LAP3: variants seen among roughly 807,000 people sequenced by gnomAD.
LAP3 encodes cytosol aminopeptidase.
A neutral mutation model predicts 58.8 loss-of-function variants in LAP3; 46 were observed. The observed-to-expected ratio is 0.78, with a 90% confidence interval of 0.62 to 1.00. LAP3 has a LOEUF of 1.00. Among genes scored for constraint, LAP3 ranks in the 50% least tolerant of loss-of-function variants. The pLI is 0.00. For missense variants in LAP3, 615 were observed against 659.1 expected (o/e 0.93, Z 0.73); for synonymous variants, 257 against 237.7 (o/e 1.08, Z -0.75).
chr4:17,588,323 T>A (rs1328441763), intron 6 of LAP3, among the ~76,000 whole-genome samples: 1 of 152,196 alleles, frequency 6.6e-6, no homozygotes, highest in Non-Finnish European at 1.5e-5. Flanking sequence ...CTTACCTTAT[T>A]TGTTTTAGAG....
chr4:17,597,969 T>C (rs765166444), intron 9 of LAP3, among the ~76,000 whole-genome samples: 2 of 152,198 alleles, frequency 1.3e-5, no homozygotes, highest in Non-Finnish European at 2.9e-5. Flanking sequence ...AGAGTTTTCA[T>C]TTCTAGGATT....
chr4:17,599,536 A>AAAAATAAAAT (rs545303171), intron 10 of LAP3, among the ~76,000 whole-genome samples: 1 of 152,090 alleles, frequency 6.6e-6, no homozygotes, highest in African/African-American at 2.4e-5. Context: ...CTCCCTCTTA[A>AAAAATAAAAT]AAAATAAAAT....
rs367614651 is a variant in LAP3 at position 17,577,461 on chromosome 4, A to T, written c.-5A>T. 38 of 1,566,722 alleles carry T rather than the reference A, an allele frequency of 2.4e-5. No homozygotes were observed. In the African/African-American group the frequency reaches 4.6e-4, roughly 19 times the overall value. The stretch of plus-strand genomic sequence containing the variant: ...GAGGGCGGTGCGAGGGGCCGAGCCG[A>T]CAAGATGTTCTTGCTGCCTCTTCCG... On this transcript the variant is annotated 5_prime_UTR_variant, in exon 1 of 13. Coordinates refer to ENST00000226299, the MANE Select transcript of LAP3 (RefSeq NM_015907.3).
intron 3 of LAP3, 39 bp from the exon 4 acceptor site, chr4:17,582,249 A>G: frequency 6.6e-7 from 1 of 1,516,016 alleles, no homozygotes; most frequent in Non-Finnish European, 9.1e-7. Context: ...GAATGCTTGA[A>G]AGAAATAAAG....
Position 17,579,957 on chromosome 4 carries a change from G to GCA in LAP3, c.218+19_218+20insAC. ...TTGAACATGTAAGTGTTGCTTGTGG[G>GCA]CTCTAGTTCTTAAAGTGCCCCCAAA... On this transcript the variant is annotated intron_variant, in intron 2 of 12. Transcript: ENST00000226299. The GCA allele has an allele frequency of 7.1e-7, 1 of 1,415,828 alleles. No individual in the cohort carries two copies. The highest frequency in any genetic ancestry group is 9.9e-7 in the Non-Finnish European group (1 of 1,011,358). 87.7% of individuals were successfully genotyped at this position (1,415,828 alleles called of 1,614,324 possible).
rs75791875 is a variant in LAP3, at chr4:17,605,718, G to A, written c.1260+1051G>A. ...ATCATCTTCTTCCAGGCCGGGCCAG[G>A]AACCTCTCCTCTGGCCTCCCACATA... On this transcript the variant is annotated intron_variant, in intron 11 of 12. Coordinates refer to ENST00000226299, the MANE Select transcript of LAP3 (RefSeq NM_015907.3). Among the ~76,000 whole-genome samples the A allele has an allele frequency of 4.5e-3, 692 of 152,168 alleles. 5 individuals carry two copies. The highest frequency in any genetic ancestry group is 0.016 in the African/African-American group (654 of 41,526).
intron 5 of LAP3, 134 bp downstream of exon 5, chr4:17,583,776 C>A: frequency 1.1e-6 from 1 of 888,490 alleles, no homozygotes; most frequent in Non-Finnish European, 1.7e-6. Context: ...ATTGCCTCAG[C>A]CATTTTAATA....
At chr4:17,603,212 G>A (rs1714023292) in intron 10 of LAP3, among the ~76,000 whole-genome samples, 6 of 151,772 alleles carry the variant, frequency 4.0e-5, no homozygotes, top group South Asian at 2.1e-4. Flanking sequence ...AGGATGCTGC[G>A]GGAGAGAATG....
intron 11 of LAP3, 86 bp downstream of exon 11, chr4:17,604,753 G>C: frequency 9.6e-7 from 1 of 1,036,512 alleles, no homozygotes; most frequent in Non-Finnish European, 1.5e-6. Flanking sequence ...TCAACCCTGT[G>C]TTAAAGTGAT....
At chr4:17,593,106 G>A (rs1268265374) in intron 7 of LAP3, among the ~76,000 whole-genome samples, 4 of 152,212 alleles carry the variant, frequency 2.6e-5, no homozygotes, top group Admixed American at 1.3e-4. Flanking sequence ...CCAAAGCTGG[G>A]CATTTTTTAA....
At chr4:17,593,966 A>G (rs1280525924) in intron 7 of LAP3, among the ~76,000 whole-genome samples, 1 of 152,006 alleles carries the variant, frequency 6.6e-6, no homozygotes, top group Non-Finnish European at 1.5e-5. Context: ...ATTGAGATAG[A>G]TTTTGTGTGT....
intron 10 of LAP3, 32 bp from the exon 11 acceptor site, chr4:17,604,556 C>G (rs1437137403): frequency 6.3e-7 from 1 of 1,585,516 alleles, no homozygotes; most frequent in Admixed American, 1.7e-5. Flanking sequence ...CCTGGAGAGA[C>G]TGCACGTGAC....
At chr4:17,594,206 TAGAG>T (rs1270706549) in intron 7 of LAP3, among the ~76,000 whole-genome samples, 3 of 152,260 alleles carry the variant, frequency 2.0e-5, no homozygotes, top group Non-Finnish European at 2.9e-5. Context: ...TCATAGGAAT[TAGAG>T]AGCAGAACTT....
chr4:17,581,333 A>G (rs1457143328), intron 2 of LAP3, among the ~76,000 whole-genome samples: 1 of 152,200 alleles, frequency 6.6e-6, no homozygotes, highest in Non-Finnish European at 1.5e-5. Flanking sequence ...GTGCAGCTGT[A>G]GCATTGCTTT....
In LAP3 at chr4:17,577,226, G is replaced by C. The variant is rs1713214080; in HGVS notation, c.-240G>C. On this transcript the variant is annotated 5_prime_UTR_variant, in exon 1 of 13. Transcript: ENST00000226299. ...CACGAATGCGGGCGCACACGAATGCGGGCGCACACGAATGCGGGCGCACCC... is the reference window on the plus strand; with the variant it reads ...CACGAATGCGGGCGCACACGAATGCCGGCGCACACGAATGCGGGCGCACCC... The C allele has an allele frequency of 2.7e-6, 1 of 364,058 alleles. No homozygotes were observed. Among genetic ancestry groups the C allele is most frequent in the African/African-American group, 2.2e-5 (1 of 45,984 alleles). The allele number at this position is 364,058 out of a possible 1,614,324, so 22.6% of individuals were successfully genotyped here.
intron 7 of LAP3, among the ~76,000 whole-genome samples, chr4:17,591,599 G>T (rs775142591): frequency 7.2e-5 from 11 of 152,210 alleles, no homozygotes; most frequent in Non-Finnish European, 1.6e-4. Flanking sequence ...TTCCTTGCAG[G>T]AGTGTCAGTT....
intron 6 of LAP3, among the ~76,000 whole-genome samples, chr4:17,588,254 C>T (rs1426521370): frequency 6.6e-6 from 1 of 151,632 alleles, no homozygotes. Context: ...AGGCTGGTCT[C>T]AAATTTCTAT....
chr4:17,583,361 T>C (rs1713414309), intron 4 of LAP3, 122 bp from the exon 5 acceptor site: 5 of 972,210 alleles, frequency 5.1e-6, no homozygotes, highest in African/African-American at 1.6e-5. Flanking sequence ...AACATTCGGG[T>C]ATCAGGGCTG....
At chr4:17,597,286 C>A in intron 9 of LAP3, 152 bp downstream of exon 9, 1 of 678,706 alleles carries the variant, frequency 1.5e-6, no homozygotes, top group Non-Finnish European at 2.7e-6. Context: ...CTTTTCCTTC[C>A]CTTTCCTGAA....
Sources: gnomAD v4.1 joint callset for allele counts (sites outside exome capture counted in the v4.1 genomes callset) on GRCh38, gnomAD v4.1.1 for gene constraint, MANE v1.5 for transcripts, NCBI Gene and HGNC (gene_info 2026-07-23, HGNC 2026-07-21) for gene names.